The following BANK1 variants were observed in gnomAD, a reference collection of about 807,000 sequenced individuals.
BANK1 encodes B cell scaffold protein with ankyrin repeats 1.
BANK1 carries 95 observed loss-of-function variants against 94.5 expected under a neutral mutation model. The ratio of observed to expected loss-of-function variants is 1.00; its 90% CI spans 0.85 to 1.19. The LOEUF is 1.19. BANK1 is among the 50% of genes most tolerant of loss of function. The pLI is 0.00. For missense variants in BANK1, 987 were observed against 932.2 expected, an observed-to-expected ratio of 1.06 and a Z score of -0.77; for synonymous variants, 334 against 308.4, an observed-to-expected ratio of 1.08 and a Z score of -0.87.
intron 10 of BANK1, 115 bp downstream of exon 10, chr4:102,030,380 T>A: frequency 9.0e-7 from 1 of 1,112,916 alleles, no homozygotes; most frequent in Non-Finnish European, 1.3e-6. Context: ...GAGTAAACAT[T>A]TTTTTTCAAG....
rs77946595 is a variant in BANK1, at chr4:101,965,369, G to A, written c.1206+47180G>A. Among the ~76,000 whole-genome samples, 707 of 151,252 alleles carry A rather than the reference G, an allele frequency of 4.7e-3. 13 individuals are homozygous for A. In the East Asian group the frequency reaches 0.057, roughly 12 times the overall value. On this transcript the variant is annotated intron_variant, in intron 7 of 16. Transcript: ENST00000322953. ...AAAAAAAAACAGTGACACAAAACTA[G>A]TATACAAACTACTAGGCCTGGACTC...
intron 2 of BANK1, among the ~76,000 whole-genome samples, chr4:101,835,541 A>C (rs1186553739): frequency 6.6e-6 from 1 of 152,162 alleles, no homozygotes; most frequent in Non-Finnish European, 1.5e-5. Context: ...TTTTAGCTTT[A>C]TTTTACACTT....
intron 7 of BANK1, among the ~76,000 whole-genome samples, chr4:101,944,890 T>C (rs577945942): frequency 4.6e-5 from 7 of 152,068 alleles, no homozygotes; most frequent in African/African-American, 1.4e-4. Flanking sequence ...TCCAAAGACC[T>C]GATGCTGGGA....
chr4:102,008,096 C>T (rs1051540494), intron 7 of BANK1, among the ~76,000 whole-genome samples: 3 of 152,142 alleles, frequency 2.0e-5, no homozygotes, highest in Non-Finnish European at 4.4e-5. Context: ...CATCTGCCCA[C>T]AGTGCAGATG....
At chr4:101,957,518 G>A (rs1459144765) in intron 7 of BANK1, among the ~76,000 whole-genome samples, 1 of 152,160 alleles carries the variant, frequency 6.6e-6, no homozygotes, top group African/African-American at 2.4e-5. Context: ...CACAAGCTTA[G>A]GGGAAGTTTA....
At chr4:101,926,713 G>A (rs1478017984) in intron 7 of BANK1, among the ~76,000 whole-genome samples, 2 of 151,772 alleles carry the variant, frequency 1.3e-5, no homozygotes, top group African/African-American at 4.8e-5. Context: ...GGAGATGGGA[G>A]GGGGAACAAT....
chr4:101,960,652 T>G (rs1324604206), intron 7 of BANK1, among the ~76,000 whole-genome samples: 1 of 152,170 alleles, frequency 6.6e-6, no homozygotes, highest in Non-Finnish European at 1.5e-5. Context: ...GGCATCTGTC[T>G]TCCTCATTTG....
intron 11 of BANK1, among the ~76,000 whole-genome samples, chr4:102,050,822 C>T (rs201735864): frequency 6.6e-6 from 1 of 151,868 alleles, no homozygotes. Context: ...AATGAAAGAA[C>T]ATTTATTTTT....
At chr4:101,874,313 T>G (rs1384341260) in intron 5 of BANK1, among the ~76,000 whole-genome samples, 2 of 152,176 alleles carry the variant, frequency 1.3e-5, no homozygotes, top group African/African-American at 4.8e-5. Context: ...TGTGCTTCTG[T>G]TAATAGTTCC....
chr4:101,861,711 G>T (rs944671001), intron 3 of BANK1, among the ~76,000 whole-genome samples: 1 of 151,674 alleles, frequency 6.6e-6, no homozygotes, highest in Non-Finnish European at 1.5e-5. Context: ...ATGTCTTTGT[G>T]TTTATCTGTT....
At position 101,994,838 on chromosome 4, in the gene BANK1, C is replaced by G. The variant is rs552868613; in HGVS notation, c.1207-26676C>G. ...TGCACAGAGAAGTTTCATGGGGTCACAGCTGAGAAGCCAATCATTTTACAA... is the reference window on the plus strand; with the variant it reads ...TGCACAGAGAAGTTTCATGGGGTCAGAGCTGAGAAGCCAATCATTTTACAA... On this transcript the variant is annotated intron_variant, in intron 7 of 16. Transcript: ENST00000322953. Among the ~76,000 whole-genome samples, 134 of 152,244 alleles carry G rather than the reference C, an allele frequency of 8.8e-4. 1 individual carries two copies. Among genetic ancestry groups the G allele is most frequent in the African/African-American group, 3.1e-3 (127 of 41,552 alleles).
chr4:101,933,009 T>G (rs1723408491), intron 7 of BANK1, among the ~76,000 whole-genome samples: 1 of 151,518 alleles, frequency 6.6e-6, no homozygotes, highest in South Asian at 2.1e-4. Flanking sequence ...CAATACCATA[T>G]TATCACCCGG....
chr4:101,835,182 G>A (rs1726776215), intron 2 of BANK1, among the ~76,000 whole-genome samples: 1 of 152,074 alleles, frequency 6.6e-6, no homozygotes, highest in Admixed American at 6.6e-5. Context: ...GCTTCATACA[G>A]CATTGTTTAT....
At position 101,862,477 on chromosome 4, in the gene BANK1, A is replaced by C. The variant is rs776503901; in HGVS notation, c.625-49A>C. 6 of 1,492,308 alleles carry C rather than the reference A, an allele frequency of 4.0e-6. No homozygotes were observed. In the South Asian group the frequency reaches 7.8e-5, roughly 19 times the overall value. 92.4% of individuals were successfully genotyped at this position (1,492,308 alleles called of 1,614,324 possible). A position where few individuals can be genotyped will look rare whatever the true frequency, so the allele number is the denominator to read the frequency against. ...AAGAAATGTAATGGGTTCTTTGGTT[A>C]ATGTAAACTTTTCCAAATGCTTAAA... On this transcript the variant is annotated intron_variant, in intron 3 of 16. Transcript: ENST00000322953.
intron 7 of BANK1, among the ~76,000 whole-genome samples, chr4:102,013,552 G>A (rs1307373135): frequency 2.6e-5 from 4 of 152,028 alleles, no homozygotes; most frequent in African/African-American, 9.7e-5. Context: ...GGCCCCAGGA[G>A]AATTTCCATT....
intron 7 of BANK1, among the ~76,000 whole-genome samples, chr4:101,989,653 T>C (rs575421296): frequency 1.3e-5 from 2 of 151,818 alleles, no homozygotes; most frequent in African/African-American, 4.8e-5. Flanking sequence ...TTTTTTTCTC[T>C]GTCTCTCTTT....
intron 7 of BANK1, among the ~76,000 whole-genome samples, chr4:101,982,714 C>T (rs1471824873): frequency 6.6e-6 from 1 of 151,822 alleles, no homozygotes; most frequent in South Asian, 2.1e-4. Context: ...GTCAAGAATA[C>T]ATCATTATTA....
At chr4:101,805,081 T>C (rs564753401) in intron 1 of BANK1, among the ~76,000 whole-genome samples, 1 of 152,306 alleles carries the variant, frequency 6.6e-6, no homozygotes. Context: ...CTCATTTAAA[T>C]ATTGGGATTT....
chr4:101,953,478 AC>A (rs1724239247), intron 7 of BANK1, among the ~76,000 whole-genome samples: 1 of 152,050 alleles, frequency 6.6e-6, no homozygotes, highest in Non-Finnish European at 1.5e-5. Context: ...TTATGCTAGT[AC>A]TTGGAAATTT....
Sources: allele counts gnomAD v4.1 joint callset (sites outside exome capture counted in the v4.1 genomes callset), GRCh38; gene constraint gnomAD v4.1.1; transcripts MANE v1.5; gene names NCBI Gene and HGNC (gene_info 2026-07-23, HGNC 2026-07-21).